The following RP1L1 variants were observed in gnomAD, a reference collection of about 807,000 sequenced individuals.
RP1L1 encodes RP1 like 1.
A neutral mutation model predicts 15.7 loss-of-function variants in RP1L1; 27 were observed. The observed-to-expected ratio is 1.72, with a 90% CI of 1.27 to 2.38. The LOEUF (loss-of-function observed/expected upper bound fraction) is 2.38. Among genes scored for constraint, RP1L1 ranks in the 30% most tolerant of loss-of-function variants. The pLI is 0.00. For synonymous variants in RP1L1, 1,813 were observed against 1,276.7 expected (o/e 1.42, Z -8.96); for missense variants, 4,798 against 3,075.9 (o/e 1.56, Z -13.24).
Position 10,622,589 on chromosome 8 carries a change from C to G in RP1L1, c.609+4G>C. On this transcript the variant is annotated splice_donor_region_variant and intron_variant, in intron 2 of 3. Coordinates refer to ENST00000382483, the MANE Select transcript of RP1L1 (RefSeq NM_178857.6). Reference sequence around the variant, plus strand: ...CAAGGAACCGTCAGACCCCAACAGCCTACCTTTTTCCCGCTGGTCGTGTAC... The same window carrying G: ...CAAGGAACCGTCAGACCCCAACAGCGTACCTTTTTCCCGCTGGTCGTGTAC... 1.2e-6 allele frequency: 2 copies of G among 1,614,188 alleles called. No individual in the cohort carries two copies. The highest frequency in any genetic ancestry group is 1.1e-5 in the South Asian group (1 of 91,060).
intron 2 of RP1L1, among the ~76,000 whole-genome samples, chr8:10,618,305 G>A (rs1189985682): frequency 6.6e-6 from 1 of 152,064 alleles, no homozygotes; most frequent in East Asian, 1.9e-4. Flanking sequence ...TTTGAGATCA[G>A]CCTGGGCATC....
Position 10,629,316 on chromosome 8 carries a change from G to A in RP1L1, c.-19-6096C>T, listed in dbSNP as rs141567495. Among the ~76,000 whole-genome samples the A allele has an allele frequency of 1.6e-3, 247 of 152,246 alleles. 3 individuals carry two copies. The highest frequency in any genetic ancestry group is 5.7e-3 in the African/African-American group (237 of 41,556). ...CTGCCTGGGGGCTACCCATGGCCCT[G>A]AGAAAGTGAGAAGGTGACTAAGGGG... On this transcript the variant is annotated intron_variant, in intron 1 of 3. Transcript: ENST00000382483.
Position 10,646,676 on chromosome 8 carries a change from T to C in RP1L1, c.-20+8222A>G, listed in dbSNP as rs372702175. ...AAGTCCAGGGCCTAGGAAGGGCCTC[T>C]CCTGCCCACACCCACGGGTGGCACA... On this transcript the variant is annotated intron_variant, in intron 1 of 3. Coordinates refer to ENST00000382483, the MANE Select transcript of RP1L1 (RefSeq NM_178857.6). Among the ~76,000 whole-genome samples, 153 of 152,128 alleles carry C rather than the reference T, an allele frequency of 1.0e-3. 2 individuals are homozygous for C. The highest frequency in any genetic ancestry group is 3.3e-3 in the African/African-American group (136 of 41,492).
Position 10,609,492 on chromosome 8 carries a change from T to G in RP1L1, c.4606A>C (p.Ser1536Arg). Reference protein sequence around the residue: ...TEKAFLAHLASAVAELRARWG... With the variant: ...TEKAFLAHLARAVAELRARWG... ...CGTGCTCGGAGCTCAGCCACCGCAC[T>G]GGCAAGGTGGGCCAGGAAGGCCTTC... The change falls in exon 4 of 4, where the codon AGT becomes CGT. Residue 1536 changes from serine (S) to arginine (R), a missense_variant. Coordinates refer to ENST00000382483, the MANE Select transcript of RP1L1 (RefSeq NM_178857.6). 1 of 1,610,960 alleles carries G rather than the reference T, an allele frequency of 6.2e-7. No homozygotes were observed. Among genetic ancestry groups the G allele is most frequent in the Non-Finnish European group, 8.5e-7 (1 of 1,179,216 alleles).
Position 10,631,429 on chromosome 8 carries a change from GCGCACACACA to G in RP1L1, c.-19-8219_-19-8210del, listed in dbSNP as rs1303266693. Reference sequence around the variant, plus strand: ...CACGCACACACGCACACACACATGCGCGCACACACACGCACACACACACTATGGGTAGGGA... The same window carrying G: ...CACGCACACACGCACACACACATGCGCGCACACACACACTATGGGTAGGGA... On this transcript the variant is annotated intron_variant, in intron 1 of 3. Transcript: ENST00000382483. Among the ~76,000 whole-genome samples, 10 of 139,448 alleles carry G rather than the reference GCGCACACACA, an allele frequency of 7.2e-5. No individual in the cohort carries two copies. The East Asian group carries it at 8.8e-4, about 12-fold the overall frequency. 91.5% of individuals were successfully genotyped at this position (139,448 alleles called of 152,430 possible).
At chr8:10,630,303 T>C (rs909028424) in intron 1 of RP1L1, among the ~76,000 whole-genome samples, 2 of 152,132 alleles carry the variant, frequency 1.3e-5, no homozygotes, top group Non-Finnish European at 2.9e-5. Context: ...ACAGACTGAG[T>C]TGGCCTCATG....
At position 10,608,623 on chromosome 8, in the gene RP1L1, A is replaced by C. The variant is rs761251050; in HGVS notation, c.5475T>G (p.Asp1825Glu). The C allele has an allele frequency of 3.1e-6, 5 of 1,613,934 alleles. 1 individual carries two copies. In the South Asian group the frequency reaches 5.5e-5, roughly 18 times the overall value. Residue 1825 changes from aspartate (D) to glutamate (E), a missense_variant, in exon 4 of 4, where the codon GAT (aspartate) becomes GAG (glutamate). Transcript: ENST00000382483. ...CTTCGGCCCCATCACTCTGTCCTGGATCTTGGTCACCTCCTGCCGCAGCTT... is the reference window on the plus strand; with the variant it reads ...CTTCGGCCCCATCACTCTGTCCTGGCTCTTGGTCACCTCCTGCCGCAGCTT... ...QGEAAAGGDQ[D>E]PGQSDGAEGI...
In RP1L1 at chr8:10,608,950, G is replaced by A. The variant is rs760057435; in HGVS notation, c.5148C>T (p.Asp1716=). The change falls in exon 4 of 4, where the codon GAC becomes GAT. Residue 1716 remains aspartate (D), a synonymous_variant. Transcript: ENST00000382483. ...CCTGGACAGTCCTAGTGCTCGTGGG[G>A]TCCGTGTGGGTCTTGCCAGGGGCCA... The part of the protein sequence containing the change: ...AEVAPGKTHT[D]PTSTRTVQGA... The A allele has an allele frequency of 1.2e-6, 2 of 1,613,854 alleles. No homozygotes were observed. The highest frequency in any genetic ancestry group is 1.7e-6 in the Non-Finnish European group (2 of 1,179,786).
chr8:10,610,244 G>A lies in RP1L1; in HGVS notation c.3854C>T (p.Ala1285Val), dbSNP rs201382029. 240 of 1,613,550 alleles carry A rather than the reference G, an allele frequency of 1.5e-4. No individual in the cohort carries two copies. The highest frequency in any genetic ancestry group is 1.1e-3 in the African/African-American group (83 of 74,676). ...AGCTAACTGCTCCAGGTTCGAGCTC[G>A]CCCTCTGCTCCTCACTGTCTCTTTC... is the stretch of plus-strand genomic sequence containing the variant. ...EAERDSEEQRASSNLEQLAEN... is the reference protein window; with the variant it reads ...EAERDSEEQRVSSNLEQLAEN... The change falls in exon 4 of 4, where the codon GCG becomes GTG. Residue 1285 changes from alanine (A) to valine (V), a missense_variant. Ala to Val is a moderately conservative substitution (Grantham distance 64). Transcript: ENST00000382483.
Position 10,611,420 on chromosome 8 carries a change from C to A in RP1L1, c.2678G>T (p.Arg893Leu). Residue 893 changes from arginine to leucine, a missense_variant, in exon 4 of 4, where the codon CGC becomes CTC. Transcript: ENST00000382483. The stretch of plus-strand genomic sequence containing the variant: ...TGGGGACGGCGTGGGGCCTGGCTGG[C>A]GTGTCCCCTCCTGCGGGCTCCCACC... ...GPGGSPQEGTRQPGPTPSPGP... is the reference protein window; with the variant it reads ...GPGGSPQEGTLQPGPTPSPGP... The A allele has an allele frequency of 1.3e-6, 2 of 1,586,850 alleles. No individual in the cohort carries two copies. Among genetic ancestry groups the A allele is most frequent in the Non-Finnish European group, 1.7e-6 (2 of 1,168,710 alleles).
rs374737041 is a variant in RP1L1, at chr8:10,608,224, T to A, written c.5874A>T (p.Ser1958=). The change falls in exon 4 of 4, where the codon TCA becomes TCT. Residue 1958 remains serine, a synonymous_variant. Transcript: ENST00000382483. ...CTGCCTCCTGGGACTCTATAACTTC[T>A]GACTCTGGCTGGGTCTGCCCTTCTG... is the stretch of plus-strand genomic sequence containing the variant. ...QEAEGQTQPE[S]EVIESQEAEE... 4 of 1,570,388 alleles carry A rather than the reference T, an allele frequency of 2.5e-6. No homozygotes were observed. The highest frequency in any genetic ancestry group is 3.5e-6 in the Non-Finnish European group (4 of 1,156,760).
At chr8:10,615,578 G>C (rs577217350) in intron 3 of RP1L1, among the ~76,000 whole-genome samples, 8 of 152,298 alleles carry the variant, frequency 5.3e-5, no homozygotes, top group Admixed American at 2.0e-4. Context: ...GCCTAGGCTG[G>C]AGAGCAGTGG....
At chr8:10,651,852 G>C (rs564047241) in intron 1 of RP1L1, among the ~76,000 whole-genome samples, 1 of 151,862 alleles carries the variant, frequency 6.6e-6, no homozygotes, top group Non-Finnish European at 1.5e-5. Context: ...GCACACAATG[G>C]CATTTCTGTC....
intron 1 of RP1L1, among the ~76,000 whole-genome samples, chr8:10,635,337 C>A (rs79022048): frequency 0.035 from 5,323 of 152,326 alleles, 126 homozygotes; most frequent in South Asian, 0.064. Flanking sequence ...AATGCTCCCC[C>A]ACCCCAGGCT....
Position 10,607,258 on chromosome 8 carries a change from G to A in RP1L1, c.6840C>T (p.Pro2280=), listed in dbSNP as rs762572776. 3 of 1,614,084 alleles carry A rather than the reference G, an allele frequency of 1.9e-6. No individual in the cohort carries two copies. The highest frequency in any genetic ancestry group is 1.1e-5 in the South Asian group (1 of 91,086). Residue 2280 remains proline (P), a synonymous_variant, in exon 4 of 4, where the codon CCC becomes CCT. Coordinates refer to ENST00000382483, the MANE Select transcript of RP1L1 (RefSeq NM_178857.6). The stretch of plus-strand genomic sequence containing the variant: ...GGGGAGTGTCTCCACCTGGGGAAGG[G>A]GGTGGAGTGGGCCTGTCCTCAGGGA... The part of the protein sequence containing the change: ...SPVPEDRPTP[P]PSPGGDTPHQ...
In RP1L1 at chr8:10,628,220, G is replaced by A. The variant is rs115778264; in HGVS notation, c.-19-5000C>T. On this transcript the variant is annotated intron_variant, in intron 1 of 3. Transcript: ENST00000382483. ...GAGGTTAAACCACAGGATCACTGAG[G>A]TTACACTAGGAGTTTGTAGGAAAAG... Among the ~76,000 whole-genome samples, 1,215 of 152,264 alleles carry A rather than the reference G, an allele frequency of 8.0e-3. 14 individuals carry two copies. The highest frequency in any genetic ancestry group is 0.027 in the African/African-American group (1,140 of 41,548).
intron 1 of RP1L1, among the ~76,000 whole-genome samples, chr8:10,650,889 C>A (rs973175555): frequency 6.6e-6 from 1 of 152,140 alleles, no homozygotes; most frequent in African/African-American, 2.4e-5. Context: ...CTTTACACTT[C>A]GCAAAGTGTT....
intron 2 of RP1L1, among the ~76,000 whole-genome samples, chr8:10,616,983 C>G (rs1254831221): frequency 6.6e-6 from 1 of 152,210 alleles, no homozygotes; most frequent in Admixed American, 6.5e-5. Context: ...CCGATTCACT[C>G]TCTCATTCTT....
intron 2 of RP1L1, among the ~76,000 whole-genome samples, chr8:10,617,145 G>A (rs1797980706): frequency 6.6e-6 from 1 of 151,964 alleles, no homozygotes; most frequent in Non-Finnish European, 1.5e-5. Context: ...TGGTCTCTGG[G>A]CTCCTGACCC....
Sources: allele counts gnomAD v4.1 joint callset (sites outside exome capture counted in the v4.1 genomes callset), GRCh38; gene constraint gnomAD v4.1.1; transcripts MANE v1.5; gene names NCBI Gene and HGNC (gene_info 2026-07-23, HGNC 2026-07-21).